ROCK2: variants seen among roughly 807,000 people sequenced by gnomAD.
ROCK2 encodes rho-associated protein kinase 2.
Under a neutral mutation model 195.1 loss-of-function variants are expected in ROCK2, and 61 were observed. The observed-to-expected ratio is 0.31, with a 90% CI of 0.25 to 0.39. The LOEUF (loss-of-function observed/expected upper bound fraction) is 0.39, where lower values mean the gene tolerates loss of function less well. Ranked by LOEUF, ROCK2 falls within the 10% of genes least tolerant of loss-of-function variation. ROCK2 has a pLI of 1.00. For synonymous variants in ROCK2, 504 were observed against 545.5 expected (o/e 0.92, Z 1.06); for missense variants, 1,109 against 1,637.4 (o/e 0.68, Z 5.57).
chr2:11,219,186 T>C (rs190526322), intron 9 of ROCK2, among the ~76,000 whole-genome samples, 160 bp from the exon 10 acceptor site: 97 of 152,058 alleles, frequency 6.4e-4, no homozygotes, highest in African/African-American at 2.3e-3. Flanking sequence ...CTCAAGACAT[T>C]TGTATCATTT....
In ROCK2 at chr2:11,249,676, G is replaced by A. The variant is rs765937090; in HGVS notation, c.447C>T (p.Ser149=). 20 of 1,551,004 alleles carry A rather than the reference G, an allele frequency of 1.3e-5. No individual in the cohort carries two copies. In the East Asian group the frequency reaches 4.5e-4, roughly 35 times the overall value. The stretch of plus-strand genomic sequence containing the variant: ...GTATGCTTACCTGAACCACCCAGGG[G>A]CTATTGGCAAAGGCCATAATATCTC... ...EERDIMAFAN[S]PWVVQLFYAF... Residue 149 remains serine (S), a synonymous_variant, in exon 4 of 33, where the codon AGC becomes AGT. Transcript: ENST00000315872.
intron 1 of ROCK2, among the ~76,000 whole-genome samples, chr2:11,325,421 T>C (rs753771): frequency 0.4 from 60,409 of 152,058 alleles, 13,528 homozygotes; most frequent in Admixed American, 0.52. Context: ...TACAGAAGTT[T>C]TTCCACATAC....
intron 4 of ROCK2, among the ~76,000 whole-genome samples, chr2:11,244,301 T>C (rs967098317): frequency 1.4e-4 from 21 of 152,210 alleles, no homozygotes; most frequent in African/African-American, 5.1e-4. Flanking sequence ...ATTTACCATC[T>C]GGCCCTTTAC....
chr2:11,275,008 G>C (rs1241725158), intron 3 of ROCK2, among the ~76,000 whole-genome samples: 1 of 152,190 alleles, frequency 6.6e-6, no homozygotes, highest in Non-Finnish European at 1.5e-5. Flanking sequence ...TGTAATCCCA[G>C]CACTTTGGGA....
intron 1 of ROCK2, among the ~76,000 whole-genome samples, chr2:11,339,391 C>A (rs1669033624): frequency 6.6e-6 from 1 of 151,552 alleles, no homozygotes; most frequent in African/African-American, 2.4e-5. Context: ...GGAAAATTTT[C>A]AACTCTATCC....
chr2:11,344,511 C>G lies in ROCK2; in HGVS notation c.-375G>C. On this transcript the variant is annotated 5_prime_UTR_variant, in exon 1 of 33. Transcript: ENST00000315872. This position sits in a 1 kb window ranked among gnomAD's most constrained non-coding sequence, Gnocchi z 5.4. ...CGGACCGCCCCGCCCTCTGGGGCCC[C>G]GGGAGGCTGAAGCCCAGGCCTGGGC... 2.0e-6 allele frequency: 2 copies of G among 987,470 alleles called. No homozygotes were observed. Among genetic ancestry groups the G allele is most frequent in the Middle Eastern group, 5.2e-4 (1 of 1,926 alleles). 61.2% of individuals were successfully genotyped at this position (987,470 alleles called of 1,614,324 possible). A position where few individuals can be genotyped will look rare whatever the true frequency, so the allele number is the denominator to read the frequency against.
intron 18 of ROCK2, among the ~76,000 whole-genome samples, chr2:11,209,322 A>C (rs1664170084): frequency 6.6e-6 from 1 of 152,172 alleles, no homozygotes; most frequent in African/African-American, 2.4e-5. Flanking sequence ...TCTCCAGAAT[A>C]GGGATAACAG....
At chr2:11,195,755 T>A (rs1663611343) in intron 27 of ROCK2, among the ~76,000 whole-genome samples, 1 of 152,222 alleles carries the variant, frequency 6.6e-6, no homozygotes. Flanking sequence ...CCTCAGGTGA[T>A]CTGTCTGCCT....
At chr2:11,199,276 A>T (rs894318046) in intron 23 of ROCK2, among the ~76,000 whole-genome samples, 1 of 151,778 alleles carries the variant, frequency 6.6e-6, no homozygotes, top group African/African-American at 2.4e-5. Flanking sequence ...ATACACATGA[A>T]ACAATACACA....
chr2:11,201,476 A>C lies in ROCK2; in HGVS notation c.2620-63T>G. The C allele has an allele frequency of 1.1e-6, 1 of 898,466 alleles. No individual in the cohort carries two copies. The highest frequency in any genetic ancestry group is 1.4e-5 in the South Asian group (1 of 72,242). 55.7% of individuals were successfully genotyped at this position (898,466 alleles called of 1,614,324 possible). A position where few individuals can be genotyped will look rare whatever the true frequency, so the allele number is the denominator to read the frequency against. Reference sequence around the variant, plus strand: ...CAGAAATATTACTTCTACATTCAAAAGCTATTCAGACAAAAAGGAGAATGA... The same window carrying C: ...CAGAAATATTACTTCTACATTCAAACGCTATTCAGACAAAAAGGAGAATGA... On this transcript the variant is annotated intron_variant, in intron 21 of 32. Coordinates refer to ENST00000315872, the MANE Select transcript of ROCK2 (RefSeq NM_004850.5). This position sits in a 1 kb window ranked among gnomAD's most constrained non-coding sequence, Gnocchi z 4.6.
chr2:11,194,369 T>A (rs1158784513), intron 28 of ROCK2, 25 bp from the exon 29 acceptor site: 1 of 1,033,722 alleles, frequency 9.7e-7, no homozygotes, highest in African/African-American at 1.6e-5. Flanking sequence ...AGAAAAGAAA[T>A]CAGTAATTCA....
In ROCK2 at chr2:11,183,290, A is replaced by G. The variant is rs992190498; in HGVS notation, c.*147T>C. The stretch of plus-strand genomic sequence containing the variant: ...GATTTGTAATTTATATTACAGGGAA[A>G]AGGGGAACACATATATGTATGAGTG... On this transcript the variant is annotated 3_prime_UTR_variant, in exon 33 of 33. Transcript: ENST00000315872. 1.1e-5 allele frequency: 6 copies of G among 552,000 alleles called. No individual in the cohort carries two copies. In the East Asian group the frequency reaches 1.6e-4, roughly 15 times the overall value. 34.2% of individuals were successfully genotyped at this position (552,000 alleles called of 1,614,324 possible). A position where few individuals can be genotyped will look rare whatever the true frequency, so the allele number is the denominator to read the frequency against.
At chr2:11,290,429 T>C (rs964069562) in intron 1 of ROCK2, among the ~76,000 whole-genome samples, 11 of 152,074 alleles carry the variant, frequency 7.2e-5, no homozygotes, top group Non-Finnish European at 1.2e-4. Flanking sequence ...CAAGACCCCA[T>C]CTCATTTTTT....
chr2:11,338,665 T>C (rs1225323049), intron 1 of ROCK2, among the ~76,000 whole-genome samples: 1 of 152,028 alleles, frequency 6.6e-6, no homozygotes, highest in Non-Finnish European at 1.5e-5. Flanking sequence ...CAGTGTACAT[T>C]CTGAAAACAA....
intron 1 of ROCK2, among the ~76,000 whole-genome samples, chr2:11,343,259 T>C (rs954474923): frequency 6.6e-6 from 1 of 152,224 alleles, no homozygotes; most frequent in Non-Finnish European, 1.5e-5. Context: ...TGCATTTCTA[T>C]TTTGTAAAAC....
chr2:11,241,952 A>G (rs1665442207), intron 4 of ROCK2, among the ~76,000 whole-genome samples: 1 of 152,152 alleles, frequency 6.6e-6, no homozygotes, highest in Non-Finnish European at 1.5e-5. Context: ...GCCATCATAA[A>G]TGGGTTTACT....
chr2:11,184,554 A>G, intron 32 of ROCK2: 9 of 805,352 alleles, frequency 1.1e-5, no homozygotes, highest in Non-Finnish European at 1.4e-5. Context: ...ACTTTTAACT[A>G]TATACTATTA....
Position 11,214,340 on chromosome 2 carries a change from T to C in ROCK2, c.2043+17A>G, listed in dbSNP as rs200648398. On this transcript the variant is annotated intron_variant, in intron 17 of 32. Coordinates refer to ENST00000315872, the MANE Select transcript of ROCK2 (RefSeq NM_004850.5). ...TACTGTCAATTTTCTTATGCAAAAA[T>C]ATAAAACATGTTTTACCTTTTCCAA... 23 of 1,407,502 alleles carry C rather than the reference T, an allele frequency of 1.6e-5. No individual in the cohort carries two copies. The African/African-American group carries it at 2.9e-4, about 18-fold the overall frequency. 87.2% of individuals were successfully genotyped at this position (1,407,502 alleles called of 1,614,324 possible). A position where few individuals can be genotyped will look rare whatever the true frequency, so the allele number is the denominator to read the frequency against.
At chr2:11,275,604 C>T (rs889642357) in intron 3 of ROCK2, among the ~76,000 whole-genome samples, 3 of 151,744 alleles carry the variant, frequency 2.0e-5, no homozygotes, top group East Asian at 3.9e-4. Context: ...GCAAATCAAT[C>T]GCTGTATTAA....
Sources: gnomAD v4.1 joint callset for allele counts (sites outside exome capture counted in the v4.1 genomes callset) on GRCh38, gnomAD v4.1.1 for gene constraint, Gnocchi (gnomAD v3.1) non-coding constraint, MANE v1.5 for transcripts, NCBI Gene and HGNC (gene_info 2026-07-23, HGNC 2026-07-21) for gene names.